Variants in SEMA3C observed in about 807,000 individuals in gnomAD.
SEMA3C encodes the protein semaphorin-3C.
In SEMA3C, 47 loss-of-function variants were observed where a neutral mutation model predicts 89.4. The ratio of observed to expected loss-of-function variants is 0.53; its 90% CI spans 0.42 to 0.67. The LOEUF is 0.67. SEMA3C is among the 30% of genes least tolerant of loss of function. The probability of loss-of-function intolerance (pLI) is 0.00; values close to 1 mark genes in which losing one functional copy is unlikely to be tolerated. For synonymous variants in SEMA3C, 310 were observed against 320.2 expected (o/e 0.97, Z 0.34); for missense variants, 839 against 929.1 (o/e 0.90, Z 1.26).
chr7:80,770,035 T>C (rs1407773110), intron 12 of SEMA3C, among the ~76,000 whole-genome samples: 1 of 152,184 alleles, frequency 6.6e-6, no homozygotes, highest in African/African-American at 2.4e-5. Flanking sequence ...TTGCGCTGTA[T>C]CATTTACTAA....
chr7:80,817,075 T>C (rs895543537), intron 5 of SEMA3C, among the ~76,000 whole-genome samples: 11 of 152,240 alleles, frequency 7.2e-5, no homozygotes, highest in African/African-American at 2.7e-4. Context: ...ACAAGCTCAA[T>C]GCAGCCAACT....
chr7:80,767,862 T>C (rs551718198), intron 12 of SEMA3C, among the ~76,000 whole-genome samples: 3 of 152,306 alleles, frequency 2.0e-5, no homozygotes, highest in Admixed American at 2.0e-4. Context: ...ATAAAAGATT[T>C]TATCTCATGT....
chr7:80,858,748 C>G (rs1466704932), intron 2 of SEMA3C, among the ~76,000 whole-genome samples: 1 of 152,080 alleles, frequency 6.6e-6, no homozygotes, highest in African/African-American at 2.4e-5. Flanking sequence ...ATATTAGAGG[C>G]CATGCTTTTC....
intron 2 of SEMA3C, among the ~76,000 whole-genome samples, chr7:80,914,723 A>G (rs1264091231): frequency 6.6e-6 from 1 of 152,144 alleles, no homozygotes; most frequent in Non-Finnish European, 1.5e-5. Context: ...GAGATCAACA[A>G]CTCATGTCAT....
intron 6 of SEMA3C, among the ~76,000 whole-genome samples, chr7:80,808,358 TAA>T (rs1789389158): frequency 6.6e-6 from 1 of 152,190 alleles, no homozygotes; most frequent in Non-Finnish European, 1.5e-5. Context: ...TGAAGGTGAA[TAA>T]AGTTTCCTTC....
intron 6 of SEMA3C, among the ~76,000 whole-genome samples, chr7:80,809,915 T>C (rs1425089512): frequency 6.6e-6 from 1 of 151,476 alleles, no homozygotes; most frequent in Non-Finnish European, 1.5e-5. Context: ...GTTGATCTCA[T>C]AGAAACAGAG....
At chr7:80,882,300 AC>A (rs1791361794) in intron 2 of SEMA3C, among the ~76,000 whole-genome samples, 1 of 151,714 alleles carries the variant, frequency 6.6e-6, no homozygotes, top group Admixed American at 6.6e-5. Flanking sequence ...GAAATGTAAC[AC>A]ACCTTCTGGC....
intron 10 of SEMA3C, among the ~76,000 whole-genome samples, chr7:80,799,732 T>G (rs1033551997): frequency 6.6e-6 from 1 of 151,858 alleles, no homozygotes; most frequent in African/African-American, 2.4e-5. Context: ...CACATGCCTG[T>G]AATCCCAGCT....
chr7:80,872,656 C>T (rs1000292231), intron 2 of SEMA3C, among the ~76,000 whole-genome samples: 3 of 151,528 alleles, frequency 2.0e-5, no homozygotes, highest in Non-Finnish European at 4.4e-5. Flanking sequence ...GAAAAATTAG[C>T]TCAGCATGGT....
At chr7:80,761,049 T>C (rs1788171731) in intron 14 of SEMA3C, among the ~76,000 whole-genome samples, 1 of 152,156 alleles carries the variant, frequency 6.6e-6, no homozygotes, top group African/African-American at 2.4e-5. Flanking sequence ...AATCAGACAA[T>C]TAATTTGAGG....
intron 2 of SEMA3C, among the ~76,000 whole-genome samples, chr7:80,911,365 G>GTAGTA (rs1584003266): frequency 6.6e-6 from 1 of 152,116 alleles, no homozygotes; most frequent in Admixed American, 6.6e-5. Flanking sequence ...AAGACAAAAA[G>GTAGTA]TAGTATACAC....
intron 13 of SEMA3C, among the ~76,000 whole-genome samples, chr7:80,763,817 AT>A (rs893892733): frequency 6.6e-6 from 1 of 152,174 alleles, no homozygotes; most frequent in Non-Finnish European, 1.5e-5. Context: ...AATATGTTCT[AT>A]ATAATGTGAT....
At chr7:80,838,649 T>C (rs1235008712) in intron 2 of SEMA3C, among the ~76,000 whole-genome samples, 1 of 152,164 alleles carries the variant, frequency 6.6e-6, no homozygotes, top group Non-Finnish European at 1.5e-5. Flanking sequence ...TTTAATTGTC[T>C]CACAGTTTCA....
chr7:80,791,285 T>G (rs1273344351), intron 11 of SEMA3C, among the ~76,000 whole-genome samples: 1 of 152,056 alleles, frequency 6.6e-6, no homozygotes, highest in Non-Finnish European at 1.5e-5. Context: ...TGGATCTGAG[T>G]GTTAAGTTAT....
chr7:80,779,229 A>G (rs1479835045), intron 12 of SEMA3C, among the ~76,000 whole-genome samples: 2 of 152,216 alleles, frequency 1.3e-5, no homozygotes, highest in East Asian at 3.8e-4. Flanking sequence ...AAATGGGGAT[A>G]ATGATTTTCA....
chr7:80,845,406 GGA>G (rs1790366794), intron 2 of SEMA3C, among the ~76,000 whole-genome samples: 1 of 151,876 alleles, frequency 6.6e-6, no homozygotes, highest in Non-Finnish European at 1.5e-5. Flanking sequence ...CCATCTTCAA[GGA>G]GAGAGACAGC....
chr7:80,744,639 G>T lies in SEMA3C; in HGVS notation c.*255C>A. ...CCACCATATCGATTTTGAAGAAAAG[G>T]TGAATAAAGATATAAATAAAATCTG... On this transcript the variant is annotated 3_prime_UTR_variant, in exon 18 of 18. Coordinates refer to ENST00000265361, the MANE Select transcript of SEMA3C (RefSeq NM_006379.5). The T allele has an allele frequency of 2.0e-6, 1 of 491,606 alleles. No homozygotes were observed. The highest frequency in any genetic ancestry group is 3.6e-6 in the Non-Finnish European group (1 of 277,818). The allele number at this position is 491,606 out of a possible 1,614,324, so 30.5% of individuals were successfully genotyped here.
In SEMA3C at chr7:80,904,640, G is replaced by C. The variant is rs151200960; in HGVS notation, c.103+12039C>G. On this transcript the variant is annotated intron_variant, in intron 2 of 17. Transcript: ENST00000265361. The stretch of plus-strand genomic sequence containing the variant: ...CTGAAAACTGCTAGAACACTAGATT[G>C]AATAGTGTTCTCTTTTATTATTAAA... 2.7e-4 allele frequency among the ~76,000 whole-genome samples: 41 copies of C among 152,260 alleles called. No individual in the cohort carries two copies. In the East Asian group the frequency reaches 7.7e-3, roughly 29 times the overall value.
chr7:80,756,840 G>C (rs1035799665), intron 15 of SEMA3C, among the ~76,000 whole-genome samples: 2 of 151,978 alleles, frequency 1.3e-5, no homozygotes, highest in African/African-American at 2.4e-5. Context: ...TTAACATCAC[G>C]ACCTCCTGCT....
Sources: gnomAD v4.1 joint callset for allele counts (sites outside exome capture counted in the v4.1 genomes callset) on GRCh38, gnomAD v4.1.1 for gene constraint, MANE v1.5 for transcripts, NCBI Gene and HGNC (gene_info 2026-07-23, HGNC 2026-07-21) for gene names.